NCF1: variants seen among roughly 807,000 people sequenced by gnomAD.
NCF1 encodes the protein neutrophil cytosolic factor 1, also known as neutrophil cytosol factor 1.
In NCF1, 8 loss-of-function variants were observed where a neutral mutation model predicts 34.9. The observed-to-expected ratio is 0.23, with a 90% CI of 0.13 to 0.41. NCF1 has a LOEUF of 0.41. Among genes scored for constraint, NCF1 ranks in the 10% least tolerant of loss-of-function variants. The pLI is 1.00. For missense variants in NCF1, 122 were observed against 362.4 expected (o/e 0.34, Z 5.39); for synonymous variants, 57 against 146.3 (o/e 0.39, Z 4.41).
intron 2 of NCF1, 31 bp downstream of exon 2, chr7:74,777,378 C>T (rs1554413156): frequency 6.7e-7 from 1 of 1,488,712 alleles, no homozygotes; most frequent in Non-Finnish European, 9.2e-7. Context: ...GGGACAGGGA[C>T]CCACCGTTCC....
At chr7:74,782,692 C>T (rs1172193055) in intron 5 of NCF1, among the ~76,000 whole-genome samples, 3 of 152,040 alleles carry the variant, frequency 2.0e-5, no homozygotes, top group Non-Finnish European at 4.4e-5. Context: ...GCTGTGATCA[C>T]GTCACTGTAC....
chr7:74,785,840 G>A (rs587650231), intron 8 of NCF1, among the ~76,000 whole-genome samples: 6 of 143,378 alleles, frequency 4.2e-5, no homozygotes, highest in African/African-American at 1.3e-4. Flanking sequence ...CCAAGATCGC[G>A]CCATTGCACT....
chr7:74,783,264 C>T (rs1389437914), intron 6 of NCF1: 8 of 952,418 alleles, frequency 8.4e-6, no homozygotes, highest in African/African-American at 1.6e-5. Flanking sequence ...CATGGCAGGC[C>T]GGGGCGGGGC....
intron 6 of NCF1, 138 bp downstream of exon 6, chr7:74,783,199 C>A (rs1554414029): frequency 6.7e-7 from 1 of 1,502,140 alleles, no homozygotes; most frequent in East Asian, 2.5e-5. Context: ...CCTCCCCACA[C>A]TGTGGGTCGC....
At chr7:74,788,819 G>A (rs1554415003) in intron 10 of NCF1, 115 bp downstream of exon 10, 5 of 1,340,042 alleles carry the variant, frequency 3.7e-6, no homozygotes, top group South Asian at 1.3e-5. Flanking sequence ...CGGAATCAGA[G>A]GGAGAGGCGG....
chr7:74,783,494 C>T (rs1389698173), intron 6 of NCF1, 31 bp from the exon 7 acceptor site: 4 of 1,605,466 alleles, frequency 2.5e-6, no homozygotes, highest in Non-Finnish European at 3.4e-6. Flanking sequence ...GGGCCCTGCC[C>T]CTCAGTCACA....
chr7:74,786,478 G>A (rs1416088907), intron 8 of NCF1, among the ~76,000 whole-genome samples: 10 of 151,892 alleles, frequency 6.6e-5, no homozygotes, highest in Non-Finnish European at 1.0e-4. Flanking sequence ...CACAATCATC[G>A]CTCACTCAAG....
In NCF1 at chr7:74,783,068, C is replaced by T. The variant is rs782260476; in HGVS notation, c.574+7C>T. 1.9e-6 allele frequency: 3 copies of T among 1,611,172 alleles called. No individual in the cohort carries two copies. The highest frequency in any genetic ancestry group is 2.7e-5 in the African/African-American group (2 of 74,712). The stretch of plus-strand genomic sequence containing the variant: ...GTAGAGAAGAGCGAGAGCGGTCAGA[C>T]CTCCCACCTTACGGGGCTCCTTCCC... On this transcript the variant is annotated splice_region_variant and intron_variant, in intron 6 of 10. Transcript: ENST00000289473.
chr7:74,788,466 GC>G, intron 9 of NCF1, 92 bp from the exon 10 acceptor site: 1 of 1,213,178 alleles, frequency 8.2e-7, no homozygotes, highest in Non-Finnish European at 1.1e-6. Flanking sequence ...GCCCCCTACT[GC>G]CCCCCACTTC....
rs587599132 is a variant in NCF1 at position 74,786,588 on chromosome 7, C to T, written c.800+1289C>T. On this transcript the variant is annotated intron_variant, in intron 8 of 10. Coordinates refer to ENST00000289473, the MANE Select transcript of NCF1 (RefSeq NM_000265.7). ...ATTTTTTTGTAGGGATGGGGTCTCA[C>T]TATGGTGCCAAGACTAGTCTTAAAC... is the stretch of plus-strand genomic sequence containing the variant. 2.3e-4 allele frequency among the ~76,000 whole-genome samples: 35 copies of T among 152,152 alleles called. No homozygotes were observed. In the South Asian group the frequency reaches 7.3e-3, roughly 32 times the overall value.
At position 74,777,365 on chromosome 7, in the gene NCF1, G is replaced by T. The variant is rs1399153827; in HGVS notation, c.153+18G>T. On this transcript the variant is annotated intron_variant, in intron 2 of 10. Coordinates refer to ENST00000289473, the MANE Select transcript of NCF1 (RefSeq NM_000265.7). ...AGTTCCATGTGAGTGTGGGGATGGA[G>T]GAGGGACAGGGACCCACCGTTCCAG... 8 of 1,515,920 alleles carry T rather than the reference G, an allele frequency of 5.3e-6. No individual in the cohort carries two copies. The highest frequency in any genetic ancestry group is 7.2e-6 in the Non-Finnish European group (8 of 1,111,182). The allele number at this position is 1,515,920 out of a possible 1,614,324, so 93.9% of individuals were successfully genotyped here. A position where few individuals can be genotyped will look rare whatever the true frequency, so the allele number is the denominator to read the frequency against.
At chr7:74,775,854 C>A (rs1241003301) in intron 1 of NCF1, among the ~76,000 whole-genome samples, 1 of 150,058 alleles carries the variant, frequency 6.7e-6, no homozygotes, top group Non-Finnish European at 1.5e-5. Flanking sequence ...CTGCCTCAGC[C>A]TCCTGAGTAG....
chr7:74,783,164 C>T (rs782308134), intron 6 of NCF1, 103 bp downstream of exon 6: 116 of 1,558,362 alleles, frequency 7.4e-5, no homozygotes, highest in African/African-American at 9.5e-5. Flanking sequence ...GGGAGGACTC[C>T]GGCTCTGTTA....
At chr7:74,777,685 A>T in intron 2 of NCF1, 1 of 337,750 alleles carries the variant, frequency 3.0e-6, no homozygotes, top group Non-Finnish European at 5.8e-6. Context: ...CAGCCTCCTG[A>T]GTAGCTGGGA....
intron 8 of NCF1, chr7:74,785,664 T>G (rs2472048): frequency 1.1e-5 from 4 of 349,590 alleles, no homozygotes; most frequent in Admixed American, 3.8e-5. Flanking sequence ...AGGACGATCA[T>G]GTGAGGTCAG....
intron 5 of NCF1, among the ~76,000 whole-genome samples, chr7:74,781,952 A>G (rs1156940409): frequency 2.0e-4 from 30 of 151,756 alleles, no homozygotes; most frequent in East Asian, 3.9e-4. Flanking sequence ...ATACACCCAC[A>G]CTGTAAGGTA....
chr7:74,788,892 G>C, intron 10 of NCF1, 147 bp from the exon 11 acceptor site: 1 of 615,692 alleles, frequency 1.6e-6, no homozygotes, highest in African/African-American at 2.0e-5. Context: ...CTAAGAGGCG[G>C]AGTCAGAGGG....
intron 8 of NCF1, among the ~76,000 whole-genome samples, chr7:74,786,070 C>CA (rs1251824158): frequency 9.7e-5 from 10 of 102,860 alleles, no homozygotes; most frequent in African/African-American, 2.9e-4. Flanking sequence ...TCTGTCTCTA[C>CA]AAAAAAAATT....
At chr7:74,775,799 T>A (rs1451899783) in intron 1 of NCF1, among the ~76,000 whole-genome samples, 5 of 140,998 alleles carry the variant, frequency 3.5e-5, no homozygotes, top group African/African-American at 1.3e-4. Flanking sequence ...AGTGGTGCAA[T>A]CTCGGCTCAT....
Sources: allele counts gnomAD v4.1 joint callset (sites outside exome capture counted in the v4.1 genomes callset), GRCh38; gene constraint gnomAD v4.1.1; transcripts MANE v1.5; gene names NCBI Gene and HGNC (gene_info 2026-07-23, HGNC 2026-07-21).